FLI1: variants seen among roughly 807,000 people sequenced by gnomAD.
FLI1 encodes Friend leukemia integration 1 transcription factor.
A neutral mutation model predicts 53.1 loss-of-function variants in FLI1; 13 were observed. The ratio of observed to expected loss-of-function variants is 0.24; its 90% confidence interval spans 0.16 to 0.39. FLI1 has a LOEUF of 0.39. Among genes scored for constraint, FLI1 ranks in the 10% least tolerant of loss-of-function variants. FLI1 has a pLI of 1.00. For missense variants in FLI1, 424 were observed against 600.5 expected (o/e 0.71, Z 3.07); for synonymous variants, 244 against 236.7 (o/e 1.03, Z -0.28).
chr11:128,685,928 C>G (rs1440155172), upstream of FLI1: 2 of 159,918 alleles, frequency 1.3e-5, no homozygotes, highest in Non-Finnish European at 2.8e-5. Flanking sequence ...GTGGCTTTTG[C>G]GCCTTCCAGC....
intron 1 of FLI1, among the ~76,000 whole-genome samples, chr11:128,724,753 G>A (rs1005148832): frequency 6.6e-6 from 1 of 152,166 alleles, no homozygotes; most frequent in Non-Finnish European, 1.5e-5. Flanking sequence ...AGAGGCACAA[G>A]GGTTTATGGA....
At chr11:128,762,830 C>T (rs1313986572) in intron 2 of FLI1, among the ~76,000 whole-genome samples, 1 of 152,104 alleles carries the variant, frequency 6.6e-6, no homozygotes, top group African/African-American at 2.4e-5. Context: ...GTGGCGCATG[C>T]CTGTAATCCC....
intron 1 of FLI1, 29 bp downstream of exon 1, chr11:128,694,305 G>A (rs1245217934): frequency 3.0e-6 from 4 of 1,338,110 alleles, no homozygotes; most frequent in Non-Finnish European, 3.9e-6. Context: ...GACGCGGGCG[G>A]CGGGGACCGG....
chr11:128,719,164 T>G (rs547653546), intron 1 of FLI1, among the ~76,000 whole-genome samples: 1 of 152,130 alleles, frequency 6.6e-6, no homozygotes, highest in African/African-American at 2.4e-5. Context: ...GGAAGGCATT[T>G]TGGTGGAGAG....
intron 1 of FLI1, among the ~76,000 whole-genome samples, chr11:128,747,143 C>A (rs568323084): frequency 1.3e-5 from 2 of 152,340 alleles, no homozygotes; most frequent in East Asian, 3.9e-4. Context: ...CTGTAAGGCG[C>A]GGGCTGCAAG....
chr11:128,813,121 G>A lies in FLI1; in HGVS notation c.*2133G>A. The A allele has an allele frequency of 6.1e-6, 1 of 163,222 alleles. No individual in the cohort carries two copies. Among genetic ancestry groups the A allele is most frequent in the Admixed American group, 6.8e-5 (1 of 14,634 alleles). The allele number at this position is 163,222 out of a possible 1,614,324, so 10.1% of individuals were successfully genotyped here. A position where few individuals can be genotyped will look rare whatever the true frequency, so the allele number is the denominator to read the frequency against. ...AATCTTGCACCCTGCCATTTAAAAA[G>A]ATGTGTAAAGCACATATTCTCAACA... On this transcript the variant is annotated 3_prime_UTR_variant, in exon 9 of 9. Coordinates refer to ENST00000527786, the MANE Select transcript of FLI1 (RefSeq NM_002017.5).
At chr11:128,806,451 G>C (rs1016329799) in intron 6 of FLI1, 6 of 152,268 alleles carry the variant, frequency 3.9e-5, no homozygotes, top group African/African-American at 1.4e-4. Flanking sequence ...AGGACCTCAG[G>C]TTCCTGGAGC....
chr11:128,744,568 A>C (rs988142460), intron 1 of FLI1, among the ~76,000 whole-genome samples: 3 of 152,358 alleles, frequency 2.0e-5, no homozygotes, highest in Non-Finnish European at 4.4e-5. Flanking sequence ...GGCAAGTGGT[A>C]GATGTAGAAT....
At chr11:128,799,151 C>T (rs894373346) in intron 5 of FLI1, among the ~76,000 whole-genome samples, 40 of 151,480 alleles carry the variant, frequency 2.6e-4, no homozygotes, top group African/African-American at 7.3e-4. Context: ...CTCAAGTGTT[C>T]CTCCCACCTT....
chr11:128,740,743 G>A (rs575151637), intron 1 of FLI1, among the ~76,000 whole-genome samples: 1 of 152,350 alleles, frequency 6.6e-6, no homozygotes, highest in African/African-American at 2.4e-5. Context: ...ACCAGGAGTA[G>A]ATTAGTATTA....
intron 1 of FLI1, among the ~76,000 whole-genome samples, chr11:128,727,834 G>T (rs185297377): frequency 1.3e-5 from 2 of 152,160 alleles, no homozygotes; most frequent in Non-Finnish European, 2.9e-5. Context: ...CACAACCACA[G>T]CCCATCTCAG....
At chr11:128,783,614 G>A (rs569094384) in intron 5 of FLI1, among the ~76,000 whole-genome samples, 3 of 152,206 alleles carry the variant, frequency 2.0e-5, no homozygotes, top group Non-Finnish European at 4.4e-5. Context: ...CTGTAAGAGA[G>A]AAAATACATT....
chr11:128,808,926 G>A (rs548364672), intron 7 of FLI1, among the ~76,000 whole-genome samples: 17 of 152,108 alleles, frequency 1.1e-4, no homozygotes, highest in South Asian at 4.1e-4. Context: ...GCCAAAATAA[G>A]AAAAAGTAAT....
At position 128,698,733 on chromosome 11, in the gene FLI1, T is replaced by TGTGAGAGA. The variant is rs766077047; in HGVS notation, c.18+4458_18+4459insTGAGAGAG. On this transcript the variant is annotated intron_variant, in intron 1 of 8. Coordinates refer to ENST00000527786, the MANE Select transcript of FLI1 (RefSeq NM_002017.5). Reference sequence around the variant, plus strand: ...TTGCGTGTGTGTGTGTGTGTGTGTGTGAGAGAGAGAGAGAGAGAGAGAAGT... The same window carrying TGTGAGAGA: ...TTGCGTGTGTGTGTGTGTGTGTGTGTGTGAGAGAGAGAGAGAGAGAGAGAGAGAGAAGT... Among the ~76,000 whole-genome samples, 32 of 133,820 alleles carry TGTGAGAGA rather than the reference T, an allele frequency of 2.4e-4. 1 individual carries two copies. The South Asian group carries it at 7.5e-3, about 31-fold the overall frequency. The allele number at this position is 133,820 out of a possible 152,430, so 87.8% of individuals were successfully genotyped here.
intron 5 of FLI1, among the ~76,000 whole-genome samples, chr11:128,786,068 A>G (rs1321594762): frequency 6.6e-6 from 1 of 152,236 alleles, no homozygotes; most frequent in Non-Finnish European, 1.5e-5. Context: ...CCAAGTGCCA[A>G]AAAATGATGC....
Position 128,776,282 on chromosome 11 carries a change from C to A in FLI1, c.589+3297C>A, listed in dbSNP as rs1456963784. Among the ~76,000 whole-genome samples, 4 of 151,914 alleles carry A rather than the reference C, an allele frequency of 2.6e-5. No individual in the cohort carries two copies. The East Asian group carries it at 5.8e-4, about 22-fold the overall frequency. ...TGTCACACGCCACACAGGCGCCCACCCCTCCCCCCCACCACCACAGGAAAT... is the reference window on the plus strand; with the variant it reads ...TGTCACACGCCACACAGGCGCCCACACCTCCCCCCCACCACCACAGGAAAT... On this transcript the variant is annotated intron_variant, in intron 4 of 8. Coordinates refer to ENST00000527786, the MANE Select transcript of FLI1 (RefSeq NM_002017.5).
intron 5 of FLI1, among the ~76,000 whole-genome samples, chr11:128,800,019 G>C (rs769210517): frequency 2.0e-5 from 3 of 152,202 alleles, no homozygotes; most frequent in Non-Finnish European, 4.4e-5. Context: ...CCCTGTCGGA[G>C]TCTGGGAGTG....
Position 128,758,112 on chromosome 11 carries a change from C to T in FLI1, c.19-3C>T. ...GCTTTCTGTCTCTTCTCTGGCCCTG[C>T]AGGAGGCTCTGTCGGTGGTGAGCGA... is the stretch of plus-strand genomic sequence containing the variant. On this transcript the variant is annotated splice_polypyrimidine_tract_variant and splice_region_variant and intron_variant, in intron 1 of 8. Coordinates refer to ENST00000527786, the MANE Select transcript of FLI1 (RefSeq NM_002017.5). 6.2e-7 allele frequency: 1 copy of T among 1,609,696 alleles called. No individual in the cohort carries two copies. Among genetic ancestry groups the T allele is most frequent in the Non-Finnish European group, 8.5e-7 (1 of 1,178,026 alleles).
upstream of FLI1, chr11:128,686,313 CG>C (rs1396768888): frequency 2.2e-6 from 1 of 455,894 alleles, no homozygotes; most frequent in African/African-American, 2.0e-5. Context: ...ATCCCCAGTT[CG>C]AAACTGCCCA....
Sources: allele counts gnomAD v4.1 joint callset (sites outside exome capture counted in the v4.1 genomes callset), GRCh38; gene constraint gnomAD v4.1.1; transcripts MANE v1.5; gene names NCBI Gene and HGNC (gene_info 2026-07-23, HGNC 2026-07-21).